The following FSTL5 variants were observed in gnomAD, a reference collection of about 807,000 sequenced individuals.
FSTL5 encodes follistatin like 5, also known as follistatin-related protein 5.
In FSTL5, 62 loss-of-function variants were observed where a neutral mutation model predicts 89.1. The ratio of observed to expected loss-of-function variants is 0.70; its 90% CI spans 0.57 to 0.86. The LOEUF is 0.86. FSTL5 is among the 40% of genes least tolerant of loss of function. The pLI, the probability that FSTL5 is intolerant of heterozygous loss-of-function variation, is 0.00. For synonymous variants in FSTL5, 383 were observed against 346.2 expected, an observed-to-expected ratio of 1.11 and a Z score of -1.18; for missense variants, 1,057 against 1,001.6, an observed-to-expected ratio of 1.06 and a Z score of -0.75.
At chr4:162,053,350 G>C (rs1349423222) in intron 2 of FSTL5, among the ~76,000 whole-genome samples, 3 of 151,742 alleles carry the variant, frequency 2.0e-5, no homozygotes, top group Admixed American at 2.0e-4. Flanking sequence ...CAAGAAATAA[G>C]TTAAAATGGT....
chr4:161,855,855 G>T (rs1450454919), intron 4 of FSTL5, among the ~76,000 whole-genome samples: 1 of 152,070 alleles, frequency 6.6e-6, no homozygotes, highest in African/African-American at 2.4e-5. Flanking sequence ...ACAAAAGTGT[G>T]TACTATTTGG....
intron 6 of FSTL5, among the ~76,000 whole-genome samples, chr4:161,723,454 A>G (rs1259674328): frequency 2.6e-5 from 4 of 152,224 alleles, no homozygotes; most frequent in Non-Finnish European, 5.9e-5. Context: ...TGAACAGAAT[A>G]TTAGGCAGGG....
Position 161,656,531 on chromosome 4 carries a change from T to G in FSTL5, c.728-37A>C, listed in dbSNP as rs4691016. 6.5e-3 allele frequency: 9,039 copies of G among 1,392,012 alleles called. 93 individuals carry two copies. The highest frequency in any genetic ancestry group is 0.042 in the South Asian group (2,317 of 54,938). 86.2% of individuals were successfully genotyped at this position (1,392,012 alleles called of 1,614,324 possible). A position where few individuals can be genotyped will look rare whatever the true frequency, so the allele number is the denominator to read the frequency against. On this transcript the variant is annotated intron_variant, in intron 6 of 15. Transcript: ENST00000306100. ...AAGTGTCAGTAATGTTGATGAGCAT[T>G]TAGTTTTGTAAGGCTAATAGTATAA...
intron 8 of FSTL5, among the ~76,000 whole-genome samples, chr4:161,556,993 C>T (rs1302915104): frequency 6.6e-6 from 1 of 150,950 alleles, no homozygotes; most frequent in Non-Finnish European, 1.5e-5. Flanking sequence ...TCAGAATGAG[C>T]TTCTTAATGG....
At chr4:161,976,117 C>CA (rs371745777) in intron 3 of FSTL5, among the ~76,000 whole-genome samples, 19,391 of 65,066 alleles carry the variant, frequency 0.3, 2,399 homozygotes, top group East Asian at 0.4. Context: ...GACTCCGCCT[C>CA]AAAAAAAAAA....
intron 7 of FSTL5, among the ~76,000 whole-genome samples, chr4:161,636,709 C>T (rs10012189): frequency 2.1e-5 from 3 of 145,838 alleles, no homozygotes; most frequent in South Asian, 2.2e-4. Context: ...GAGAATATGC[C>T]GTGTTTGGTT....
intron 4 of FSTL5, among the ~76,000 whole-genome samples, chr4:161,805,132 T>C (rs944999493): frequency 1.3e-5 from 2 of 152,084 alleles, no homozygotes; most frequent in African/African-American, 4.8e-5. Flanking sequence ...CTTCAATACC[T>C]TCCAATGTCA....
At chr4:161,749,583 G>A (rs1383339740) in intron 6 of FSTL5, among the ~76,000 whole-genome samples, 2 of 151,834 alleles carry the variant, frequency 1.3e-5, no homozygotes, top group African/African-American at 4.8e-5. Flanking sequence ...GGATCCCGAG[G>A]TCAGGAGATC....
rs962909282 is a variant in FSTL5, at chr4:161,656,468, C to T, written c.754G>A (p.Asp252Asn). Reference protein sequence around the residue: ...FQVIQLSLPEDQKLSITAATV... With the variant: ...FQVIQLSLPENQKLSITAATV... Reference sequence around the variant, plus strand: ...GCTGCAGTGATGCTTAGTTTCTGATCTTCTGGCAGACTCAACTGGATCACT... The same window carrying T: ...GCTGCAGTGATGCTTAGTTTCTGATTTTCTGGCAGACTCAACTGGATCACT... Residue 252 changes from aspartate (D) to asparagine (N), a missense_variant, in exon 7 of 16, where the codon GAT (aspartate) becomes AAT (asparagine). This residue lies in a region of FSTL5 where 980 missense variants were observed against 903.2 expected (regional missense o/e 1.08). Coordinates refer to ENST00000306100, the MANE Select transcript of FSTL5 (RefSeq NM_020116.5). 2 of 1,594,722 alleles carry T rather than the reference C, an allele frequency of 1.3e-6. No individual in the cohort carries two copies.
At chr4:161,733,284 A>C (rs1739678979) in intron 6 of FSTL5, among the ~76,000 whole-genome samples, 1 of 151,882 alleles carries the variant, frequency 6.6e-6, no homozygotes, top group African/African-American at 2.4e-5. Context: ...TTAAAATTTT[A>C]ATTTCCAGTT....
At chr4:161,608,496 G>C (rs1192619120) in intron 7 of FSTL5, among the ~76,000 whole-genome samples, 1 of 151,922 alleles carries the variant, frequency 6.6e-6, no homozygotes, top group Non-Finnish European at 1.5e-5. Context: ...AACAGGCTCA[G>C]AAATCTTCTT....
chr4:161,682,528 G>T (rs1737560189), intron 6 of FSTL5, among the ~76,000 whole-genome samples: 1 of 151,650 alleles, frequency 6.6e-6, no homozygotes, highest in Admixed American at 6.6e-5. Context: ...TTAAAATTCG[G>T]AAAACTTTTT....
intron 4 of FSTL5, among the ~76,000 whole-genome samples, chr4:161,911,727 AGCATATTACT>A (rs1733698840): frequency 6.6e-6 from 1 of 152,244 alleles, no homozygotes; most frequent in African/African-American, 2.4e-5. Context: ...TAAAACAATT[AGCATATTACT>A]GCATTAAATT....
chr4:162,066,376 T>TCTTCTC, intron 2 of FSTL5, among the ~76,000 whole-genome samples: 9 of 137,372 alleles, frequency 6.6e-5, no homozygotes, highest in Non-Finnish European at 1.4e-4. Flanking sequence ...TTCTTCTCCT[T>TCTTCTC]CTTCTTCTTC....
chr4:162,126,496 T>C (rs1305070228), intron 1 of FSTL5, among the ~76,000 whole-genome samples: 1 of 152,114 alleles, frequency 6.6e-6, no homozygotes, highest in Non-Finnish European at 1.5e-5. Flanking sequence ...TTAAACTTAC[T>C]TTTTCTCTTC....
intron 6 of FSTL5, among the ~76,000 whole-genome samples, chr4:161,684,987 G>A (rs770872812): frequency 5.5e-4 from 83 of 152,222 alleles, no homozygotes; most frequent in Non-Finnish European, 6.3e-4. Context: ...AATTACTCCA[G>A]CATCATTTGT....
chr4:162,110,531 G>A (rs1410252187), intron 2 of FSTL5, among the ~76,000 whole-genome samples: 1 of 151,474 alleles, frequency 6.6e-6, no homozygotes, highest in Non-Finnish European at 1.5e-5. Context: ...AATATATAAA[G>A]TTTTCTCCAA....
intron 4 of FSTL5, among the ~76,000 whole-genome samples, chr4:161,830,715 C>T (rs1018191511): frequency 1.2e-4 from 18 of 151,924 alleles, no homozygotes; most frequent in African/African-American, 4.3e-4. Context: ...ATTCTATTGC[C>T]TCTCAACAAA....
intron 7 of FSTL5, among the ~76,000 whole-genome samples, chr4:161,639,479 A>C (rs1735867661): frequency 1.3e-5 from 2 of 152,324 alleles, no homozygotes; most frequent in South Asian, 4.1e-4. Flanking sequence ...GATAAGCTAC[A>C]AAAACATAAA....
Sources: allele counts gnomAD v4.1 joint callset (sites outside exome capture counted in the v4.1 genomes callset), GRCh38; gene constraint gnomAD v4.1.1; regional missense constraint gnomAD v4.1.1; transcripts MANE v1.5; gene names NCBI Gene and HGNC (gene_info 2026-07-23, HGNC 2026-07-21).